The following NPSR1 variants were observed in gnomAD, a reference collection of about 807,000 sequenced individuals.
NPSR1 encodes the protein neuropeptide S receptor 1, also known as neuropeptide S receptor.
NPSR1 carries 48 observed loss-of-function variants against 46.9 expected under a neutral mutation model. That is an observed-to-expected ratio of 1.02 (90% CI 0.81 to 1.30). The LOEUF is 1.30. NPSR1 is among the 50% of genes most tolerant of loss of function. NPSR1 has a pLI of 0.00. For synonymous variants in NPSR1, 176 were observed against 168.1 expected (o/e 1.05, Z -0.36); for missense variants, 450 against 449.5 (o/e 1.00, Z -0.01).
intron 5 of NPSR1, among the ~76,000 whole-genome samples, chr7:34,831,798 A>T (rs1034745581): frequency 6.6e-6 from 1 of 152,068 alleles, no homozygotes; most frequent in Non-Finnish European, 1.5e-5. Flanking sequence ...TATCATTTTC[A>T]TCTCTGTAAG....
chr7:34,692,552 G>A (rs1460522910), intron 2 of NPSR1, among the ~76,000 whole-genome samples: 1 of 152,142 alleles, frequency 6.6e-6, no homozygotes, highest in African/African-American at 2.4e-5. Context: ...AGTGAAAACA[G>A]TTCTAAGAGA....
At position 34,700,165 on chromosome 7, in the gene NPSR1, C is replaced by T. The variant is rs186163880; in HGVS notation, c.280+15481C>T. 9.6e-4 allele frequency among the ~76,000 whole-genome samples: 146 copies of T among 152,158 alleles called. 1 individual carries two copies. The highest frequency in any genetic ancestry group is 7.9e-3 in the Admixed American group (120 of 15,278). ...TAGAGACAGTGGAAGCTCAAGGAAC[C>T]GGAGGTTGTCCCAAAGTCATAAGGC... On this transcript the variant is annotated intron_variant, in intron 2 of 8. Transcript: ENST00000360581.
chr7:34,796,510 G>A lies in NPSR1; in HGVS notation c.385-15260G>A, dbSNP rs148556658. The stretch of plus-strand genomic sequence containing the variant: ...TAAATGAACAATCTGATTTTAAAAT[G>A]GTCAAAAAAACAGACACCTCACCAA... On this transcript the variant is annotated intron_variant, in intron 3 of 8. Coordinates refer to ENST00000360581, the MANE Select transcript of NPSR1 (RefSeq NM_207172.2). Among the ~76,000 whole-genome samples, 591 of 152,100 alleles carry A rather than the reference G, an allele frequency of 3.9e-3. 3 individuals are homozygous for A. The highest frequency in any genetic ancestry group is 0.013 in the African/African-American group (559 of 41,512).
chr7:34,677,404 G>A (rs1022266955), intron 1 of NPSR1, among the ~76,000 whole-genome samples: 2 of 152,194 alleles, frequency 1.3e-5, no homozygotes, highest in African/African-American at 4.8e-5. Flanking sequence ...AGGAGAACAT[G>A]AAAGAGAGAT....
chr7:34,726,819 TA>T (rs35968998), intron 2 of NPSR1, among the ~76,000 whole-genome samples: 50,185 of 123,820 alleles, frequency 0.41, 8,785 homozygotes, highest in East Asian at 0.48. Flanking sequence ...ATGAAGACAG[TA>T]AAAAAAAAAA....
In NPSR1 at chr7:34,724,267, T is replaced by C. The variant is rs192365397; in HGVS notation, c.280+39583T>C. Reference sequence around the variant, plus strand: ...TGCCACAGAAACAGATTCAGAAAAATAAACCTAAGAACTCTGGAGAAAGAA... The same window carrying C: ...TGCCACAGAAACAGATTCAGAAAAACAAACCTAAGAACTCTGGAGAAAGAA... On this transcript the variant is annotated intron_variant, in intron 2 of 8. Transcript: ENST00000360581. Among the ~76,000 whole-genome samples the C allele has an allele frequency of 3.4e-3, 520 of 152,254 alleles. 3 individuals are homozygous for C. Among genetic ancestry groups the C allele is most frequent in the African/African-American group, 0.012 (506 of 41,574 alleles).
At chr7:34,844,768 C>T in intron 6 of NPSR1, 128 bp from the exon 7 acceptor site, 1 of 683,298 alleles carries the variant, frequency 1.5e-6, no homozygotes, top group Non-Finnish European at 2.6e-6. Flanking sequence ...CCAAGGAAGG[C>T]CATCTGGGCA....
chr7:34,745,146 A>G (rs1446448047), intron 2 of NPSR1, among the ~76,000 whole-genome samples: 1 of 152,232 alleles, frequency 6.6e-6, no homozygotes, highest in Non-Finnish European at 1.5e-5. Flanking sequence ...TTTACTGATT[A>G]TAGAACATTC....
intron 7 of NPSR1, among the ~76,000 whole-genome samples, chr7:34,846,507 A>G (rs34995920): frequency 0.041 from 6,275 of 152,296 alleles, 278 homozygotes; most frequent in African/African-American, 0.11. Flanking sequence ...AAAATGAAAC[A>G]ATACTATTTT....
intron 1 of NPSR1, among the ~76,000 whole-genome samples, chr7:34,662,402 A>ACGCATGTCCGCATGTC (rs67285682): frequency 6.6e-6 from 1 of 151,434 alleles, no homozygotes; most frequent in Non-Finnish European, 1.5e-5. Context: ...TTTCAACTCA[A>ACGCATGTCCGCATGTC]CGCATGTCCC....
At chr7:34,834,198 C>T (rs1790259812) in intron 5 of NPSR1, 186 bp from the exon 6 acceptor site, 1 of 590,282 alleles carries the variant, frequency 1.7e-6, no homozygotes, top group Non-Finnish European at 3.0e-6. Flanking sequence ...GAAGTAACTC[C>T]ATCCAGTGGA....
At chr7:34,748,538 T>C (rs905004319) in intron 2 of NPSR1, among the ~76,000 whole-genome samples, 3 of 152,194 alleles carry the variant, frequency 2.0e-5, no homozygotes, top group African/African-American at 7.2e-5. Context: ...CAGCCCATTC[T>C]GTTCCTCTCT....
chr7:34,677,727 C>A (rs1792391715), intron 1 of NPSR1, among the ~76,000 whole-genome samples: 1 of 152,168 alleles, frequency 6.6e-6, no homozygotes. Flanking sequence ...AAGAGACCAG[C>A]CCCAGGGGAT....
At chr7:34,724,718 A>G (rs898344490) in intron 2 of NPSR1, among the ~76,000 whole-genome samples, 1 of 152,150 alleles carries the variant, frequency 6.6e-6, no homozygotes, top group Admixed American at 6.6e-5. Flanking sequence ...TTGACAGGTC[A>G]ATTCACTGGC....
rs377503685 is a variant in NPSR1, at chr7:34,669,513, G to T, written c.147+10954G>T. 2.0e-5 allele frequency among the ~76,000 whole-genome samples: 3 copies of T among 151,326 alleles called. No individual in the cohort carries two copies. The South Asian group carries it at 6.3e-4, about 32-fold the overall frequency. ...GATCCCGGGAGGCAGAGGATGCAGTGAGCCAAGATCACACCATTACACTCC... is the reference window on the plus strand; with the variant it reads ...GATCCCGGGAGGCAGAGGATGCAGTTAGCCAAGATCACACCATTACACTCC... On this transcript the variant is annotated intron_variant, in intron 1 of 8. Transcript: ENST00000360581.
At chr7:34,779,895 G>C (rs966944397) in intron 3 of NPSR1, 1 of 161,518 alleles carries the variant, frequency 6.2e-6, no homozygotes, top group East Asian at 1.7e-4. Flanking sequence ...CTGGATAAAG[G>C]CTTATCAAAA....
At chr7:34,790,846 T>G (rs62638829) in intron 3 of NPSR1, among the ~76,000 whole-genome samples, 48,394 of 104,854 alleles carry the variant, frequency 0.46, 13,114 homozygotes, top group African/African-American at 0.57. Context: ...GTTATATATA[T>G]GTTATATGTT....
At chr7:34,845,137 G>T (rs1790698040) in intron 7 of NPSR1, among the ~76,000 whole-genome samples, 155 bp downstream of exon 7, 1 of 152,200 alleles carries the variant, frequency 6.6e-6, no homozygotes, top group South Asian at 2.1e-4. Flanking sequence ...CCCATTCATG[G>T]TTCCTTCAAG....
rs1340137407 is a variant in NPSR1, at chr7:34,737,932, T to C, written c.281-40530T>C. 3.3e-5 allele frequency among the ~76,000 whole-genome samples: 5 copies of C among 152,210 alleles called. 1 individual carries two copies. Among genetic ancestry groups the C allele is most frequent in the African/African-American group, 1.2e-4 (5 of 41,464 alleles). On this transcript the variant is annotated intron_variant, in intron 2 of 8. Transcript: ENST00000360581. ...TTCCTTAGTCCAACACAGACTATGTTTACTGCCTATATCCCACCACCGGAA... is the reference window on the plus strand; with the variant it reads ...TTCCTTAGTCCAACACAGACTATGTCTACTGCCTATATCCCACCACCGGAA...
Sources: allele counts gnomAD v4.1 joint callset (sites outside exome capture counted in the v4.1 genomes callset), GRCh38; gene constraint gnomAD v4.1.1; transcripts MANE v1.5; gene names NCBI Gene and HGNC (gene_info 2026-07-23, HGNC 2026-07-21).